PRDM2: variants seen among roughly 807,000 people sequenced by gnomAD.
PRDM2 encodes PR/SET domain 2, also known as PR domain zinc finger protein 2.
A neutral mutation model predicts 130.0 loss-of-function variants in PRDM2; 30 were observed. The observed-to-expected ratio is 0.23, with a 90% confidence interval of 0.17 to 0.31. The LOEUF (loss-of-function observed/expected upper bound fraction) is 0.31, where lower values mean the gene tolerates loss of function less well. Ranked by LOEUF, PRDM2 falls within the 10% of genes least tolerant of loss-of-function variation. PRDM2 has a pLI of 1.00. For synonymous variants in PRDM2, 871 were observed against 782.4 expected (o/e 1.11, Z -1.89); for missense variants, 2,011 against 2,108.4 (o/e 0.95, Z 0.90).
chr1:13,792,652 A>G (rs1196435289), intron 8 of PRDM2, among the ~76,000 whole-genome samples: 5 of 152,200 alleles, frequency 3.3e-5, no homozygotes, highest in South Asian at 2.1e-4. Context: ...ACATCTTTCA[A>G]CAGCCAATCT....
rs572541692 is a variant in PRDM2, at chr1:13,740,951, A to G, written c.232-1054A>G. On this transcript the variant is annotated intron_variant, in intron 4 of 9. Transcript: ENST00000311066. ...GTGATTAATGTGGGTACGGGAGGGA[A>G]GAAGGCATGAGTGGTGGGAATAATG... is the stretch of plus-strand genomic sequence containing the variant. Among the ~76,000 whole-genome samples, 71 of 152,330 alleles carry G rather than the reference A, an allele frequency of 4.7e-4. 1 individual carries two copies. The highest frequency in any genetic ancestry group is 1.5e-3 in the African/African-American group (62 of 41,568).
intron 8 of PRDM2, chr1:13,786,619 A>G: frequency 6.3e-7 from 1 of 1,585,090 alleles, no homozygotes. Flanking sequence ...TACGAAATCT[A>G]CCAAGCTTGC....
chr1:13,804,361 C>T (rs1354385155), intron 8 of PRDM2, among the ~76,000 whole-genome samples: 1 of 152,154 alleles, frequency 6.6e-6, no homozygotes, highest in Non-Finnish European at 1.5e-5. Flanking sequence ...CATTTGGAGA[C>T]TGTCTACAGA....
intron 8 of PRDM2, among the ~76,000 whole-genome samples, chr1:13,809,831 A>T (rs936230200): frequency 2.0e-5 from 3 of 152,190 alleles, no homozygotes; most frequent in Non-Finnish European, 2.9e-5. Context: ...AATACCATGG[A>T]CTAGGCGGCT....
rs189903400 is a variant in PRDM2, at chr1:13,808,389, G to T, written c.5037-8038G>T. ...TGAGGCAGGAGAATGGCGTGAACAC[G>T]GGAGGTGGAGCTTGCAGTGAGTGGA... On this transcript the variant is annotated intron_variant, in intron 8 of 9. Transcript: ENST00000311066. Among the ~76,000 whole-genome samples the T allele has an allele frequency of 8.6e-4, 130 of 151,680 alleles. 1 individual carries two copies. The highest frequency in any genetic ancestry group is 3.1e-3 in the African/African-American group (128 of 41,298).
At chr1:13,722,739 A>T (rs1482710772) in intron 2 of PRDM2, 1 of 439,374 alleles carries the variant, frequency 2.3e-6, no homozygotes, top group Non-Finnish European at 4.6e-6. Flanking sequence ...AGAGGAGGGG[A>T]TGAGCCCTCA....
chr1:13,782,829 C>A lies in PRDM2; in HGVS notation c.5034C>A (p.Phe1678Leu). The A allele has an allele frequency of 6.2e-7, 1 of 1,608,666 alleles. No individual in the cohort carries two copies. Among genetic ancestry groups the A allele is most frequent in the Non-Finnish European group, 8.5e-7 (1 of 1,179,290 alleles). The stretch of plus-strand genomic sequence containing the variant: ...GCGCCAAGCAGGAGCTGAAGGACTT[C>A]AGGTAAGCTCAGGAGCTGGTGGGAG... ...DGSAKQELKD[F>L]SYSLRLASRC... The change falls in exon 8 of 10, where the codon TTC becomes TTA. Residue 1678 changes from phenylalanine (F) to leucine (L), a missense_variant and splice_region_variant. By Grantham distance (22) the Phe-to-Leu change is conservative. This residue lies in a region of PRDM2 where 410 missense variants were observed against 395.9 expected (regional missense o/e 1.04). Transcript: ENST00000311066.
rs1277302353 is a variant in PRDM2 at position 13,823,089 on chromosome 1, G to C, written c.*24-70G>C. 4.2e-6 allele frequency: 6 copies of C among 1,429,226 alleles called. No individual in the cohort carries two copies. The Admixed American group carries it at 1.2e-4, about 28-fold the overall frequency. 88.5% of individuals were successfully genotyped at this position (1,429,226 alleles called of 1,614,324 possible). A position where few individuals can be genotyped will look rare whatever the true frequency, so the allele number is the denominator to read the frequency against. The stretch of plus-strand genomic sequence containing the variant: ...TAGTTACAAAATTAAGTGCAATAAC[G>C]CATGGACCACCATGGTCGGCACTGA... On this transcript the variant is annotated intron_variant, in intron 9 of 9. Transcript: ENST00000311066.
chr1:13,741,538 A>G (rs1280702882), intron 4 of PRDM2, among the ~76,000 whole-genome samples: 3 of 152,200 alleles, frequency 2.0e-5, no homozygotes, highest in Non-Finnish European at 2.9e-5. Flanking sequence ...CTGCAGGGCC[A>G]GGTGCCATAC....
At chr1:13,727,825 T>G (rs2100459103) in intron 2 of PRDM2, among the ~76,000 whole-genome samples, 1 of 152,358 alleles carries the variant, frequency 6.6e-6, no homozygotes, top group East Asian at 1.9e-4. Context: ...AGGATCAAAT[T>G]GTGATTCTTT....
chr1:13,818,226 A>G (rs991414212), intron 9 of PRDM2, among the ~76,000 whole-genome samples: 1 of 152,176 alleles, frequency 6.6e-6, no homozygotes, highest in Non-Finnish European at 1.5e-5. Flanking sequence ...AGTGGTTAAA[A>G]CACCAACCAG....
intron 5 of PRDM2, 82 bp from the exon 6 acceptor site, chr1:13,749,279 G>C: frequency 1.6e-6 from 2 of 1,245,264 alleles, no homozygotes; most frequent in Non-Finnish European, 1.0e-6. Flanking sequence ...CGCCGCTCCC[G>C]CCCGCGTCCC....
rs1356850273 is a variant in PRDM2, at chr1:13,780,598, G to T, written c.2803G>T (p.Ala935Ser). The part of the protein sequence containing the change: ...PDLGPGSGFP[A>S]PTVESTPDVC... ...CCTCGGTCCGGGCTCTGGTTTCCCT[G>T]CCCCTACTGTTGAGTCCACACCTGA... Residue 935 changes from alanine (A) to serine (S), a missense_variant, in exon 8 of 10, where the codon GCC becomes TCC. Around this residue, in one of 5 missense-constraint regions of PRDM2, gnomAD observed 1,288 missense variants for 1,237.7 expected, o/e 1.04. Coordinates refer to ENST00000311066, the MANE Select transcript of PRDM2 (RefSeq NM_001393986.1). 7 of 1,614,046 alleles carry T rather than the reference G, an allele frequency of 4.3e-6. No individual in the cohort carries two copies. The East Asian group carries it at 1.6e-4, about 36-fold the overall frequency.
At chr1:13,775,016 T>C (rs1041934317) in intron 7 of PRDM2, among the ~76,000 whole-genome samples, 10 of 151,952 alleles carry the variant, frequency 6.6e-5, no homozygotes, top group Admixed American at 5.2e-4. Context: ...CCCCCCAGTA[T>C]TTGGCACAGC....
chr1:13,802,453 C>A (rs1645023423), intron 8 of PRDM2, among the ~76,000 whole-genome samples: 1 of 152,184 alleles, frequency 6.6e-6, no homozygotes, highest in Admixed American at 6.5e-5. Context: ...TCCGGGTCGT[C>A]CAGTGTGGGC....
chr1:13,745,904 C>T (rs999826177), intron 5 of PRDM2, among the ~76,000 whole-genome samples: 5 of 152,082 alleles, frequency 3.3e-5, no homozygotes, highest in East Asian at 3.9e-4. Flanking sequence ...TTTAAAAGAC[C>T]GTGCTGGGGA....
chr1:13,777,587 C>A (rs552622882), intron 7 of PRDM2, among the ~76,000 whole-genome samples: 1 of 139,352 alleles, frequency 7.2e-6, no homozygotes. Context: ...CTTGACTCAG[C>A]GCTTATGCAT....
At chr1:13,804,476 C>T (rs1200845213) in intron 8 of PRDM2, among the ~76,000 whole-genome samples, 2 of 152,182 alleles carry the variant, frequency 1.3e-5, no homozygotes, top group African/African-American at 2.4e-5. Context: ...AGGTGTCCCC[C>T]AGCCCCATGC....
intron 5 of PRDM2, among the ~76,000 whole-genome samples, chr1:13,746,878 C>T (rs1033557839): frequency 1.8e-4 from 27 of 152,236 alleles, no homozygotes; most frequent in African/African-American, 6.5e-4. Context: ...GGCTGTTTAG[C>T]AGCTAACGAA....
Sources: gnomAD v4.1 joint callset for allele counts (sites outside exome capture counted in the v4.1 genomes callset) on GRCh38, gnomAD v4.1.1 for gene constraint, gnomAD v4.1.1 regional missense constraint, MANE v1.5 for transcripts, NCBI Gene and HGNC (gene_info 2026-07-23, HGNC 2026-07-21) for gene names.